The following IQSEC1 variants were observed in gnomAD, a reference collection of about 807,000 sequenced individuals.
IQSEC1 encodes IQ motif and SEC7 domain-containing protein 1.
A neutral mutation model predicts 91.0 loss-of-function variants in IQSEC1; 31 were observed. That is an observed-to-expected ratio of 0.34 (90% CI 0.26 to 0.46). The LOEUF is 0.46. Ranked by LOEUF, IQSEC1 falls within the 20% of genes least tolerant of loss-of-function variation. IQSEC1 has a pLI of 1.00. For synonymous variants in IQSEC1, 699 were observed against 662.6 expected, an observed-to-expected ratio of 1.05 and a Z score of -0.84; for missense variants, 1,388 against 1,575.6, an observed-to-expected ratio of 0.88 and a Z score of 2.02.
At chr3:13,265,948 G>A (rs940537276) in intron 1 of IQSEC1, among the ~76,000 whole-genome samples, 2 of 143,242 alleles carry the variant, frequency 1.4e-5, no homozygotes, top group African/African-American at 5.1e-5. Flanking sequence ...ACCAGATAAC[G>A]GGAAGCAGCT....
chr3:12,967,833 TGTGGGGAAGAGAGCACAGGAGGC>T lies in IQSEC1; in HGVS notation c.24-25991_24-25969del, dbSNP rs1700695096. On this transcript the variant is annotated intron_variant, in intron 1 of 13. Transcript: ENST00000613206. The surrounding 1 kb of genome is among the most constrained non-coding windows in gnomAD (Gnocchi z 5.9). ...CGCGGGGGCGAGACTGCACGGAGCG[TGTGGGGAAGAGAGCACAGGAGGC>T]GTGGCCACACGGCGCCGCGGAAGAA... is the stretch of plus-strand genomic sequence containing the variant. 2 of 298,248 alleles carry T rather than the reference TGTGGGGAAGAGAGCACAGGAGGC, an allele frequency of 6.7e-6. No homozygotes were observed. The highest frequency in any genetic ancestry group is 8.9e-6 in the Non-Finnish European group (2 of 223,740). 18.5% of individuals were successfully genotyped at this position (298,248 alleles called of 1,614,324 possible). A position where few individuals can be genotyped will look rare whatever the true frequency, so the allele number is the denominator to read the frequency against.
At chr3:13,275,700 C>T (rs904510801) in intron 1 of IQSEC1, among the ~76,000 whole-genome samples, 3 of 152,258 alleles carry the variant, frequency 2.0e-5, no homozygotes, top group Non-Finnish European at 2.9e-5. Context: ...CCTCCGTGGC[C>T]TGATCCCTCT....
At position 13,282,138 on chromosome 3, in the gene IQSEC1, C is replaced by T. The variant is rs1481581038; in HGVS notation, c.272+573G>A. On this transcript the variant is annotated intron_variant, in intron 1 of 15. Coordinates refer to the IQSEC1 transcript ENST00000648114. This position sits in a 1 kb window ranked among gnomAD's most constrained non-coding sequence, Gnocchi z 6.4. Reference sequence around the variant, plus strand: ...AGCCCCGGGTAATCCCAGGGCGAGGCAGTCGGGAATTAACCCCAGCCTTGA... The same window carrying T: ...AGCCCCGGGTAATCCCAGGGCGAGGTAGTCGGGAATTAACCCCAGCCTTGA... 2.6e-5 allele frequency among the ~76,000 whole-genome samples: 4 copies of T among 152,222 alleles called. No individual in the cohort carries two copies. Among genetic ancestry groups the T allele is most frequent in the Non-Finnish European group, 5.9e-5 (4 of 68,032 alleles).
At chr3:13,260,914 C>T (rs1009948408) in intron 1 of IQSEC1, among the ~76,000 whole-genome samples, 1 of 152,182 alleles carries the variant, frequency 6.6e-6, no homozygotes, top group East Asian at 1.9e-4. Context: ...CAGTGCTGGG[C>T]AGTGCAGAGG....
chr3:13,227,393 A>AAAAAAAAAG (rs1055638536), intron 1 of IQSEC1, among the ~76,000 whole-genome samples: 132 of 140,812 alleles, frequency 9.4e-4, no homozygotes, highest in African/African-American at 2.3e-3. Flanking sequence ...AAAAAAAAAA[A>AAAAAAAAAG]AAAGAAAGAA....
chr3:13,151,353 G>T (rs753726721), intron 2 of IQSEC1, among the ~76,000 whole-genome samples: 1 of 152,208 alleles, frequency 6.6e-6, no homozygotes, highest in African/African-American at 2.4e-5. Flanking sequence ...TGCATTGTGT[G>T]TGCTGGTCCC....
intron 1 of IQSEC1, among the ~76,000 whole-genome samples, chr3:12,976,419 G>A (rs1009630734): frequency 2.6e-5 from 4 of 152,184 alleles, no homozygotes; most frequent in Non-Finnish European, 5.9e-5. Context: ...CACATCCTCC[G>A]GTGGAGCCAA....
Position 13,211,703 on chromosome 3 carries a change from G to A in IQSEC1, c.273-47570C>T, listed in dbSNP as rs1315666468. ...CACCCCAGCCCTGCTCAGCCACCAC[G>A]TTTCCCAAATCTAGGTGCCCAGCCT... On this transcript the variant is annotated intron_variant, in intron 1 of 15. Coordinates refer to the IQSEC1 transcript ENST00000648114. This position sits in a 1 kb window ranked among gnomAD's most constrained non-coding sequence, Gnocchi z 5.3. 3.9e-5 allele frequency among the ~76,000 whole-genome samples: 6 copies of A among 152,052 alleles called. No homozygotes were observed. Among genetic ancestry groups the A allele is most frequent in the Non-Finnish European group, 8.8e-5 (6 of 67,988 alleles).
intron 1 of IQSEC1, among the ~76,000 whole-genome samples, chr3:12,976,356 T>C (rs536080504): frequency 2.6e-5 from 4 of 152,302 alleles, no homozygotes; most frequent in Admixed American, 1.3e-4. Flanking sequence ...TCCTTGCCTT[T>C]TCCCCACCTC....
rs990998575 is a variant in IQSEC1 at position 13,211,917 on chromosome 3, C to T, written c.273-47784G>A. On this transcript the variant is annotated intron_variant, in intron 1 of 15. Transcript: ENST00000648114. The surrounding 1 kb of genome is among the most constrained non-coding windows in gnomAD (Gnocchi z 5.3). ...AGAACCTTTCCGTGGCCAGAGGACC[C>T]GAAACCCCCACGGCCCTGTGTTTTT... 2.0e-5 allele frequency among the ~76,000 whole-genome samples: 3 copies of T among 152,220 alleles called. No homozygotes were observed. Among genetic ancestry groups the T allele is most frequent in the Admixed American group, 6.5e-5 (1 of 15,282 alleles).
Position 12,928,169 on chromosome 3 carries a change from C to T in IQSEC1, c.1569-3427G>A, listed in dbSNP as rs527505929. Among the ~76,000 whole-genome samples, 162 of 123,192 alleles carry T rather than the reference C, an allele frequency of 1.3e-3. 1 individual carries two copies. Among genetic ancestry groups the T allele is most frequent in the Admixed American group, 3.0e-3 (34 of 11,230 alleles). 80.8% of individuals were successfully genotyped at this position (123,192 alleles called of 152,430 possible). On this transcript the variant is annotated intron_variant, in intron 3 of 13. Coordinates refer to ENST00000613206, the MANE Select transcript of IQSEC1 (RefSeq NM_001134382.3). ...TGCTGCAGCAGAGGTGGGAGGGGGC[C>T]GGGTTGAGGACACAGTCTGAGGGCA...
At chr3:13,017,555 T>C (rs73813758) in intron 1 of IQSEC1, among the ~76,000 whole-genome samples, 8,918 of 152,218 alleles carry the variant, frequency 0.059, 885 homozygotes, top group African/African-American at 0.2. Flanking sequence ...CGCAAAGCCT[T>C]GGACTCAGGT....
intron 1 of IQSEC1, among the ~76,000 whole-genome samples, chr3:13,232,007 G>T (rs897486661): frequency 1.8e-4 from 27 of 152,222 alleles, no homozygotes; most frequent in Non-Finnish European, 3.5e-4. Flanking sequence ...AACATGCCGG[G>T]CCCCAACCTA....
At chr3:13,222,731 G>A (rs1694686432) in intron 1 of IQSEC1, among the ~76,000 whole-genome samples, 3 of 152,140 alleles carry the variant, frequency 2.0e-5, no homozygotes, top group South Asian at 2.1e-4. Context: ...AACTGATCAC[G>A]TTTCTTCCCC....
chr3:13,149,768 G>A (rs376115261), intron 2 of IQSEC1, among the ~76,000 whole-genome samples: 4 of 152,142 alleles, frequency 2.6e-5, no homozygotes, highest in African/African-American at 9.7e-5. Context: ...CCGCAAAGCT[G>A]GCTCCTCCGC....
At chr3:12,952,508 A>ACATGC (rs1471320996) in intron 1 of IQSEC1, among the ~76,000 whole-genome samples, 2 of 152,044 alleles carry the variant, frequency 1.3e-5, no homozygotes, top group African/African-American at 4.8e-5. Context: ...TTCTAGCCTC[A>ACATGC]CATGCCACCC....
At chr3:13,112,938 A>G (rs1461583327) in intron 2 of IQSEC1, among the ~76,000 whole-genome samples, 3 of 152,226 alleles carry the variant, frequency 2.0e-5, no homozygotes. Context: ...TCAGTTCTGA[A>G]TGTGCCAAAT....
chr3:13,104,601 T>A (rs1246401558), intron 2 of IQSEC1, among the ~76,000 whole-genome samples: 1 of 152,122 alleles, frequency 6.6e-6, no homozygotes, highest in African/African-American at 2.4e-5. Context: ...TGGGGCCACA[T>A]CTTAGCAGTT....
intron 1 of IQSEC1, among the ~76,000 whole-genome samples, chr3:12,963,500 G>A (rs1407174463): frequency 2.0e-5 from 3 of 152,262 alleles, no homozygotes; most frequent in Non-Finnish European, 4.4e-5. Context: ...AACGGGAAAA[G>A]GTGGTAATAA....
Sources: gnomAD v4.1 joint callset for allele counts (sites outside exome capture counted in the v4.1 genomes callset) on GRCh38, gnomAD v4.1.1 for gene constraint, Gnocchi (gnomAD v3.1) non-coding constraint, MANE v1.5 for transcripts, NCBI Gene and HGNC (gene_info 2026-07-23, HGNC 2026-07-21) for gene names.